Variants in PACSIN2 observed in about 807,000 individuals in gnomAD.
The protein encoded by PACSIN2 is protein kinase C and casein kinase substrate in neurons 2.
PACSIN2 carries 25 observed loss-of-function variants against 63.8 expected under a neutral mutation model. The observed-to-expected ratio is 0.39, with a 90% CI of 0.29 to 0.55. PACSIN2 has a LOEUF of 0.55. PACSIN2 is among the 20% of genes least tolerant of loss of function. The pLI is 0.62. For synonymous variants in PACSIN2, 255 were observed against 256.2 expected (o/e 1.00, Z 0.05); for missense variants, 518 against 646.9 (o/e 0.80, Z 2.16).
At chr22:42,984,005 C>G (rs1442894512) in intron 1 of PACSIN2, among the ~76,000 whole-genome samples, 1 of 139,364 alleles carries the variant, frequency 7.2e-6, no homozygotes, top group Non-Finnish European at 1.5e-5. Flanking sequence ...GGGTCTGGCT[C>G]TGTCACCAAG....
intron 10 of PACSIN2, among the ~76,000 whole-genome samples, chr22:42,875,368 ATTTATTTG>A (rs984853715): frequency 1.3e-5 from 2 of 148,582 alleles, no homozygotes; most frequent in African/African-American, 5.2e-5. Flanking sequence ...TGCCCAGGTT[ATTTATTTG>A]TTTGTTTGTT....
chr22:42,882,367 C>T, intron 6 of PACSIN2, 63 bp from the exon 7 acceptor site: 1 of 1,542,868 alleles, frequency 6.5e-7, no homozygotes. Context: ...TGTCCCAGCC[C>T]AGTGCCAGCC....
At chr22:42,959,192 A>C (rs951916031) in intron 1 of PACSIN2, among the ~76,000 whole-genome samples, 9 of 152,220 alleles carry the variant, frequency 5.9e-5, no homozygotes, top group Non-Finnish European at 1.3e-4. Flanking sequence ...TGCAGTAAAC[A>C]GTCATGAAAC....
At chr22:43,001,511 G>A (rs1337861952) in intron 1 of PACSIN2, among the ~76,000 whole-genome samples, 1 of 152,252 alleles carries the variant, frequency 6.6e-6, no homozygotes, top group Non-Finnish European at 1.5e-5. Flanking sequence ...GACTGGGAGG[G>A]GAAGCAGGAA....
intron 1 of PACSIN2, among the ~76,000 whole-genome samples, chr22:43,012,172 TAC>T (rs1924539314): frequency 7.1e-6 from 1 of 141,608 alleles, no homozygotes; most frequent in Admixed American, 7.2e-5. Flanking sequence ...CATACATACA[TAC>T]ATACATACAT....
rs545874406 is a variant in PACSIN2, at chr22:43,012,144, A to AAAAT, written c.-78+2873_-78+2876dup. ...GGGCGACAGAGCGAGACTCTGTCTC[A>AAAAT]AAATAAATAAATACATACATACATA... On this transcript the variant is annotated intron_variant, in intron 1 of 10. Coordinates refer to ENST00000263246, the MANE Select transcript of PACSIN2 (RefSeq NM_001184970.3). 8.8e-3 allele frequency among the ~76,000 whole-genome samples: 1,200 copies of AAAAT among 136,106 alleles called. 17 individuals carry two copies. Among genetic ancestry groups the AAAAT allele is most frequent in the African/African-American group, 0.029 (1,016 of 34,734 alleles). 89.3% of individuals were successfully genotyped at this position (136,106 alleles called of 152,430 possible).
chr22:42,884,562 C>G lies in PACSIN2; in HGVS notation c.610-1G>C, dbSNP rs748582335. ...GGGACTTCTCATACTTCTCTTTGGT[C>G]TAAAGGAAAATCCAGGCACAAGACA... On this transcript the variant is annotated splice_acceptor_variant, in intron 5 of 10. Coordinates refer to ENST00000263246, the MANE Select transcript of PACSIN2 (RefSeq NM_001184970.3). LOFTEE classifies it high-confidence loss of function. 21 of 1,612,414 alleles carry G rather than the reference C, an allele frequency of 1.3e-5. No homozygotes were observed. Among genetic ancestry groups the G allele is most frequent in the Non-Finnish European group, 1.7e-6 (2 of 1,179,076 alleles).
rs1341957012 is a variant in PACSIN2 at position 42,955,622 on chromosome 22, T to A, written c.-77-43465A>T. Among the ~76,000 whole-genome samples, 7 of 152,228 alleles carry A rather than the reference T, an allele frequency of 4.6e-5. No individual in the cohort carries two copies. The East Asian group carries it at 1.3e-3, about 29-fold the overall frequency. ...CACTGGGTACACCTAAGATTCAATT[T>A]AATGTCTTCGAGTTCAATGTGAAGT... On this transcript the variant is annotated intron_variant, in intron 1 of 10. Coordinates refer to ENST00000263246, the MANE Select transcript of PACSIN2 (RefSeq NM_001184970.3).
intron 1 of PACSIN2, among the ~76,000 whole-genome samples, chr22:42,999,088 G>C (rs896669929): frequency 1.3e-5 from 2 of 152,152 alleles, no homozygotes; most frequent in Non-Finnish European, 2.9e-5. Flanking sequence ...AACCCAAAAA[G>C]GCTGTCACAC....
chr22:42,913,024 G>T (rs1224973753), intron 1 of PACSIN2, among the ~76,000 whole-genome samples: 1 of 152,200 alleles, frequency 6.6e-6, no homozygotes, highest in Non-Finnish European at 1.5e-5. Context: ...GTAATCACAT[G>T]AATCTTCATG....
intron 1 of PACSIN2, among the ~76,000 whole-genome samples, chr22:43,010,031 G>A (rs899509234): frequency 1.3e-5 from 2 of 151,520 alleles, no homozygotes; most frequent in Admixed American, 6.6e-5. Flanking sequence ...CACCATACCC[G>A]ACTAATTTTT....
chr22:42,922,498 G>A (rs1226523029), intron 1 of PACSIN2, among the ~76,000 whole-genome samples: 2 of 152,226 alleles, frequency 1.3e-5, no homozygotes, highest in African/African-American at 4.8e-5. Flanking sequence ...TAACTGCAGA[G>A]GTAGGCAGAG....
chr22:43,012,307 CA>C (rs35192048), intron 1 of PACSIN2, among the ~76,000 whole-genome samples: 2,008 of 51,788 alleles, frequency 0.039, 36 homozygotes, highest in African/African-American at 0.11. Context: ...GACTCTCTCT[CA>C]AAAAAAAAAA....
At chr22:43,008,868 G>A (rs1279276316) in intron 1 of PACSIN2, among the ~76,000 whole-genome samples, 1 of 152,234 alleles carries the variant, frequency 6.6e-6, no homozygotes, top group East Asian at 1.9e-4. Context: ...CTAAGCAACT[G>A]AGAAGTAGTC....
intron 1 of PACSIN2, among the ~76,000 whole-genome samples, chr22:42,981,667 C>A (rs1156354009): frequency 8.0e-6 from 1 of 125,164 alleles, no homozygotes; most frequent in African/African-American, 3.1e-5. Flanking sequence ...AGCCCCCCGC[C>A]CGGCCAGCCG....
At chr22:43,008,492 GC>G (rs1331643133) in intron 1 of PACSIN2, among the ~76,000 whole-genome samples, 1 of 152,160 alleles carries the variant, frequency 6.6e-6, no homozygotes, top group Non-Finnish European at 1.5e-5. Flanking sequence ...CTTGTGATCT[GC>G]CCACCTCAGC....
At chr22:42,914,865 T>C (rs1224664182) in intron 1 of PACSIN2, among the ~76,000 whole-genome samples, 1 of 152,190 alleles carries the variant, frequency 6.6e-6, no homozygotes, top group Non-Finnish European at 1.5e-5. Flanking sequence ...ATTGACTGAC[T>C]GGTGGTTGAC....
intron 2 of PACSIN2, among the ~76,000 whole-genome samples, chr22:42,896,579 A>C (rs766599075): frequency 1.3e-5 from 2 of 152,250 alleles, no homozygotes; most frequent in Non-Finnish European, 2.9e-5. Context: ...TTATGAATAA[A>C]GAAGCTATAA....
chr22:42,987,548 T>TTTTTTTTTTTA (rs1922721203), intron 1 of PACSIN2, among the ~76,000 whole-genome samples: 1 of 124,830 alleles, frequency 8.0e-6, no homozygotes, highest in African/African-American at 2.8e-5. Flanking sequence ...TTTTTTTTTT[T>TTTTTTTTTTTA]GAGACAGGAG....
Sources: gnomAD v4.1 joint callset for allele counts (sites outside exome capture counted in the v4.1 genomes callset) on GRCh38, gnomAD v4.1.1 for gene constraint, MANE v1.5 for transcripts, NCBI Gene and HGNC (gene_info 2026-07-23, HGNC 2026-07-21) for gene names.